Variants in GSE1 observed in about 807,000 individuals in gnomAD.
GSE1 encodes genetic suppressor element 1.
Under a neutral mutation model 112.6 loss-of-function variants are expected in GSE1, and 32 were observed. The observed-to-expected ratio is 0.28, with a 90% confidence interval of 0.21 to 0.38. GSE1 has a LOEUF of 0.38. Ranked by LOEUF, GSE1 falls within the 10% of genes least tolerant of loss-of-function variation. The pLI, the probability that GSE1 is intolerant of heterozygous loss-of-function variation, is 1.00. For missense variants in GSE1, 2,348 were observed against 1,699.2 expected, an observed-to-expected ratio of 1.38 and a Z score of -6.71; for synonymous variants, 1,115 against 735.6, an observed-to-expected ratio of 1.52 and a Z score of -8.35.
intron 1 of GSE1, among the ~76,000 whole-genome samples, chr16:85,623,149 A>C (rs2048845239): frequency 6.6e-6 from 1 of 152,004 alleles, no homozygotes; most frequent in Non-Finnish European, 1.5e-5. Flanking sequence ...CGTTTAAACA[A>C]CACAGCGTGA....
At chr16:85,389,052 G>C (rs1397036302) in intron 2 of GSE1, among the ~76,000 whole-genome samples, 1 of 152,232 alleles carries the variant, frequency 6.6e-6, no homozygotes, top group Admixed American at 6.5e-5. Flanking sequence ...CATTGACTGG[G>C]AAAAGGAGCT....
intron 2 of GSE1, among the ~76,000 whole-genome samples, chr16:85,451,691 G>C (rs1350677514): frequency 2.7e-5 from 2 of 75,414 alleles, no homozygotes; most frequent in Non-Finnish European, 5.6e-5. Context: ...TGGTTGGTGT[G>C]TGTGCTGGTG....
intron 1 of GSE1, among the ~76,000 whole-genome samples, chr16:85,321,200 T>TC (rs1266316526): frequency 6.6e-6 from 1 of 152,174 alleles, no homozygotes; most frequent in Non-Finnish European, 1.5e-5. Flanking sequence ...GGTGCTCAAC[T>TC]CCATCTGTAG....
At chr16:85,632,104 G>C (rs932171270) in intron 1 of GSE1, among the ~76,000 whole-genome samples, 5 of 152,200 alleles carry the variant, frequency 3.3e-5, no homozygotes, top group South Asian at 2.1e-4. Flanking sequence ...GTCTGTGCCG[G>C]GTTGAAGCGG....
At chr16:85,654,727 C>T (rs913896907) in intron 4 of GSE1, 67 bp from the exon 5 acceptor site, 17 of 965,306 alleles carry the variant, frequency 1.8e-5, no homozygotes, top group East Asian at 2.6e-5. Flanking sequence ...GGAGTTTAGC[C>T]GTCCCCCCAT....
chr16:85,353,529 A>C (rs900536146), intron 1 of GSE1, among the ~76,000 whole-genome samples: 1 of 152,146 alleles, frequency 6.6e-6, no homozygotes, highest in African/African-American at 2.4e-5. Context: ...AGGAGAGTTC[A>C]ACTTTAAAAA....
At chr16:85,316,626 TC>T (rs2045991043) in intron 1 of GSE1, among the ~76,000 whole-genome samples, 2 of 152,204 alleles carry the variant, frequency 1.3e-5, no homozygotes, top group South Asian at 2.1e-4. Context: ...TGCTCTGCCC[TC>T]CACGGACCAG....
chr16:85,523,694 A>G (rs1027733767), intron 2 of GSE1, among the ~76,000 whole-genome samples: 1 of 152,182 alleles, frequency 6.6e-6, no homozygotes, highest in Admixed American at 6.5e-5. Context: ...CCTGGGTTCC[A>G]GTGTCACTGC....
chr16:85,574,052 C>A (rs373032537), intron 1 of GSE1, among the ~76,000 whole-genome samples: 1 of 152,320 alleles, frequency 6.6e-6, no homozygotes, highest in East Asian at 1.9e-4. Flanking sequence ...GCCCGCTCCC[C>A]ACACATGGCG....
upstream of GSE1, among the ~76,000 whole-genome samples, chr16:85,608,661 T>A (rs766261423): frequency 6.6e-6 from 1 of 152,168 alleles, no homozygotes; most frequent in Non-Finnish European, 1.5e-5. Context: ...GGCAGGCCAA[T>A]TAACCTTCTC....
At chr16:85,382,780 T>C (rs73257392) in intron 2 of GSE1, among the ~76,000 whole-genome samples, 16,260 of 150,564 alleles carry the variant, frequency 0.11, 1,299 homozygotes, top group African/African-American at 0.23. Context: ...CACCCATGCA[T>C]GCACACACAC....
intron 2 of GSE1, among the ~76,000 whole-genome samples, chr16:85,474,265 C>A (rs1308850091): frequency 6.6e-6 from 1 of 152,074 alleles, no homozygotes; most frequent in African/African-American, 2.4e-5. Context: ...TCAGTGCAGC[C>A]TCCACCCCGC....
At chr16:85,452,559 C>A (rs1191408817) in intron 2 of GSE1, among the ~76,000 whole-genome samples, 1 of 152,246 alleles carries the variant, frequency 6.6e-6, no homozygotes, top group Non-Finnish European at 1.5e-5. Flanking sequence ...GACGCAGATT[C>A]TCCTGGAAGC....
intron 1 of GSE1, among the ~76,000 whole-genome samples, chr16:85,630,683 C>T (rs979444455): frequency 6.6e-6 from 1 of 152,210 alleles, no homozygotes; most frequent in African/African-American, 2.4e-5. Context: ...TGTGACCATT[C>T]ACGCCTTCTG....
rs2053601090 is a variant in GSE1 at position 85,674,941 on chromosome 16, A to G, written c.*2402A>G. On this transcript the variant is annotated 3_prime_UTR_variant, in exon 16 of 16. Coordinates refer to ENST00000253458, the MANE Select transcript of GSE1 (RefSeq NM_014615.5). ...GCTCAAGAAGTAATACGACAATCAGAATACAAACCAGTAAGGCAACACGAA... is the reference window on the plus strand; with the variant it reads ...GCTCAAGAAGTAATACGACAATCAGGATACAAACCAGTAAGGCAACACGAA... 6.6e-6 allele frequency: 1 copy of G among 152,662 alleles called. No individual in the cohort carries two copies. The highest frequency in any genetic ancestry group is 6.5e-5 in the Admixed American group (1 of 15,290). The allele number at this position is 152,662 out of a possible 1,614,324, so 9.5% of individuals were successfully genotyped here.
At chr16:85,170,501 T>C (rs1349627991) in exon 1 of GSE1, 5 of 985,600 alleles carry the variant, frequency 5.1e-6, no homozygotes, top group Non-Finnish European at 6.0e-6. Context: ...GACATCAACA[T>C]CACCAGTGGG....
At chr16:85,552,861 T>C (rs1475142199), upstream of GSE1, among the ~76,000 whole-genome samples, 2 of 152,266 alleles carry the variant, frequency 1.3e-5, no homozygotes, top group African/African-American at 4.8e-5. Context: ...TACAGGTTTA[T>C]TGCCTGTACA....
intron 1 of GSE1, among the ~76,000 whole-genome samples, chr16:85,350,249 C>T (rs372455183): frequency 1.8e-4 from 27 of 152,178 alleles, no homozygotes; most frequent in African/African-American, 7.2e-5. Flanking sequence ...CTCCTAGTCA[C>T]GCCAGCAGGT....
intron 2 of GSE1, among the ~76,000 whole-genome samples, chr16:85,530,352 C>T (rs894159570): frequency 2.0e-5 from 3 of 152,194 alleles, no homozygotes; most frequent in Admixed American, 1.3e-4. Context: ...ATCTCCTCCC[C>T]GGTGATGCAA....
Sources: allele counts gnomAD v4.1 joint callset (sites outside exome capture counted in the v4.1 genomes callset), GRCh38; gene constraint gnomAD v4.1.1; transcripts MANE v1.5; gene names NCBI Gene and HGNC (gene_info 2026-07-23, HGNC 2026-07-21).